PCDHGB4: variants seen among roughly 807,000 people sequenced by gnomAD.
PCDHGB4 encodes protocadherin gamma-B4.
Under a neutral mutation model 60.5 loss-of-function variants are expected in PCDHGB4, and 38 were observed. That is an observed-to-expected ratio of 0.63 (90% CI 0.48 to 0.82). The LOEUF (loss-of-function observed/expected upper bound fraction) is 0.82, where lower values mean the gene tolerates loss of function less well. Among genes scored for constraint, PCDHGB4 ranks in the 40% least tolerant of loss-of-function variants. PCDHGB4 has a pLI of 0.00. For missense variants in PCDHGB4, 1,109 were observed against 1,209.6 expected, an observed-to-expected ratio of 0.92 and a Z score of 1.23; for synonymous variants, 456 against 509.7, an observed-to-expected ratio of 0.89 and a Z score of 1.42.
At chr5:141,433,034 C>G (rs1357694242) in intron 1 of PCDHGB4, 2 of 1,614,184 alleles carry the variant, frequency 1.2e-6, no homozygotes, top group Non-Finnish European at 1.7e-6. Flanking sequence ...CGAGGTTTCC[C>G]TCACCACGGA....
chr5:141,391,780 T>C (rs1004185174), intron 1 of PCDHGB4: 1 of 152,220 alleles, frequency 6.6e-6, no homozygotes, highest in Non-Finnish European at 1.5e-5. Context: ...TAGTCATTAC[T>C]TTTTGCAGTT....
rs370284141 is a variant in PCDHGB4, at chr5:141,421,654, G to A, written c.2397+31373G>A. On this transcript the variant is annotated intron_variant, in intron 1 of 3. Coordinates refer to ENST00000519479, the MANE Select transcript of PCDHGB4 (RefSeq NM_003736.4). ...CCAGGAGGACGAAGTGGAGATAAAA[G>A]TCAGTGAGCACGCAATTCCTGGGGC... The A allele has an allele frequency of 3.5e-5, 57 of 1,613,746 alleles. No individual in the cohort carries two copies. Among genetic ancestry groups the A allele is most frequent in the Admixed American group, 5.0e-5 (3 of 59,974 alleles).
At chr5:141,463,418 C>A (rs1442067485) in intron 1 of PCDHGB4, among the ~76,000 whole-genome samples, 3 of 138,240 alleles carry the variant, frequency 2.2e-5, no homozygotes, top group Admixed American at 7.4e-5. Context: ...TCCTAGTTTG[C>A]GGATCCTCAT....
rs1426305491 is a variant in PCDHGB4 at position 141,489,758 on chromosome 5, G to A, written c.2398-5049G>A. 1 of 1,614,084 alleles carries A rather than the reference G, an allele frequency of 6.2e-7. No homozygotes were observed. The highest frequency in any genetic ancestry group is 1.7e-5 in the Admixed American group (1 of 60,020). On this transcript the variant is annotated intron_variant, in intron 1 of 3. Coordinates refer to ENST00000519479, the MANE Select transcript of PCDHGB4 (RefSeq NM_003736.4). The surrounding 1 kb of genome is among the most constrained non-coding windows in gnomAD (Gnocchi z 4.5). ...AATACTGTGAGCTTTTACACTCTAAGCCCCAACAGCCACTTCTCTCTGAAT... is the reference window on the plus strand; with the variant it reads ...AATACTGTGAGCTTTTACACTCTAAACCCCAACAGCCACTTCTCTCTGAAT...
chr5:141,426,676 A>T (rs1209949988), intron 1 of PCDHGB4: 4 of 431,700 alleles, frequency 9.3e-6, no homozygotes, highest in Non-Finnish European at 1.9e-5. Context: ...AACCCACCTC[A>T]TTTTCCCCAA....
At chr5:141,502,534 C>T (rs565889110) in intron 2 of PCDHGB4, among the ~76,000 whole-genome samples, 10 of 152,074 alleles carry the variant, frequency 6.6e-5, no homozygotes, top group Non-Finnish European at 1.0e-4. Context: ...CGAGTTTGTT[C>T]GTGTGGTAAA....
intron 1 of PCDHGB4, chr5:141,426,680 T>C (rs1261836011): frequency 2.3e-6 from 1 of 431,334 alleles, no homozygotes; most frequent in East Asian, 7.2e-5. Flanking sequence ...CACCTCATTT[T>C]CCCCAAAATA....
At position 141,431,034 on chromosome 5, in the gene PCDHGB4, G is replaced by C. The variant is rs372312860; in HGVS notation, c.2397+40753G>C. 2.5e-6 allele frequency: 4 copies of C among 1,613,992 alleles called. No homozygotes were observed. The highest frequency in any genetic ancestry group is 2.7e-5 in the African/African-American group (2 of 74,938). On this transcript the variant is annotated intron_variant, in intron 1 of 3. Coordinates refer to ENST00000519479, the MANE Select transcript of PCDHGB4 (RefSeq NM_003736.4). The surrounding 1 kb of genome is among the most constrained non-coding windows in gnomAD (Gnocchi z 4.8). ...TTGGTCACGGCGGGCAGGATAGACC[G>C]GGAGGAGCTCTGTATGGGGGCCATC...
At position 141,390,019 on chromosome 5, in the gene PCDHGB4, G is replaced by T. The variant is rs1047341984; in HGVS notation, c.2135G>T (p.Arg712Leu). 1.9e-6 allele frequency: 3 copies of T among 1,614,002 alleles called. No individual in the cohort carries two copies. Among genetic ancestry groups the T allele is most frequent in the Non-Finnish European group, 2.5e-6 (3 of 1,179,896 alleles). ...LVAMILAIAL[R>L]LRRSSSPASW... is the part of the protein sequence containing the mutation. ...GCCATGATTCTGGCCATTGCCTTGC[G>T]CCTGCGACGCTCCTCCAGCCCCGCC... The change falls in exon 1 of 4, where the codon CGC becomes CTC. Residue 712 changes from arginine (R) to leucine (L), a missense_variant. Arg to Leu is a moderately radical substitution (Grantham distance 102). Transcript: ENST00000519479.
At chr5:141,404,323 C>G (rs777252767) in intron 1 of PCDHGB4, 24 of 1,613,756 alleles carry the variant, frequency 1.5e-5, no homozygotes, top group Non-Finnish European at 2.0e-5. Flanking sequence ...AAGCCTCCTA[C>G]TCAGTCTACC....
intron 1 of PCDHGB4, among the ~76,000 whole-genome samples, chr5:141,473,775 T>A (rs1219791398): frequency 6.6e-6 from 1 of 152,190 alleles, no homozygotes; most frequent in African/African-American, 2.4e-5. Flanking sequence ...ATTTGGTATT[T>A]TAATTCAAGA....
In PCDHGB4 at chr5:141,431,339, TTGG is replaced by T. The variant is rs750589924; in HGVS notation, c.2397+41061_2397+41063del. ...AGCCGACGGTAGTAAGTACCCCGAA[TTGG>T]TGCTGAAACGCGCCCTGGACCGCGA... is the stretch of plus-strand genomic sequence containing the variant. On this transcript the variant is annotated intron_variant, in intron 1 of 3. Coordinates refer to ENST00000519479, the MANE Select transcript of PCDHGB4 (RefSeq NM_003736.4). The surrounding 1 kb of genome is among the most constrained non-coding windows in gnomAD (Gnocchi z 4.8). 4 of 1,614,060 alleles carry T rather than the reference TTGG, an allele frequency of 2.5e-6. No individual in the cohort carries two copies. The Admixed American group carries it at 6.7e-5, about 27-fold the overall frequency.
intron 1 of PCDHGB4, among the ~76,000 whole-genome samples, chr5:141,449,840 T>C (rs1367482819): frequency 6.6e-6 from 1 of 151,692 alleles, no homozygotes; most frequent in Non-Finnish European, 1.5e-5. Context: ...TTTTATATAA[T>C]TAAATTTTAA....
At chr5:141,418,718 A>G (rs1334115906) in intron 1 of PCDHGB4, 4 of 1,613,912 alleles carry the variant, frequency 2.5e-6, no homozygotes, top group Non-Finnish European at 3.4e-6. Flanking sequence ...TGTGGCTGAC[A>G]AAGCTCAGCA....
At chr5:141,433,395 C>CTATA (rs1426636882) in intron 1 of PCDHGB4, among the ~76,000 whole-genome samples, 2 of 150,654 alleles carry the variant, frequency 1.3e-5, no homozygotes, top group African/African-American at 4.9e-5. Context: ...ATCTATCTAT[C>CTATA]TATCTATCTA....
At chr5:141,406,748 A>G (rs180930343) in intron 1 of PCDHGB4, among the ~76,000 whole-genome samples, 80 of 152,312 alleles carry the variant, frequency 5.3e-4, no homozygotes, top group Non-Finnish European at 1.5e-4. Context: ...GTGAAATGAC[A>G]AAACAAGGAA....
intron 1 of PCDHGB4, chr5:141,419,733 AGGTGCGCATGGTGCGTGCTTTG>A (rs763538035): frequency 1.1e-5 from 18 of 1,613,646 alleles, no homozygotes; most frequent in Non-Finnish European, 1.4e-5. Context: ...CGAACAGGCG[AGGTGCGCATGGTGCGTGCTTTG>A]GGTGACAAGG....
intron 1 of PCDHGB4, among the ~76,000 whole-genome samples, chr5:141,472,980 C>CAAAAA (rs60579131): frequency 1.7e-4 from 15 of 86,092 alleles, no homozygotes; most frequent in East Asian, 4.1e-4. Context: ...GAGTGAAACT[C>CAAAAA]AAAAAAAAAA....
chr5:141,504,836 C>A (rs550489904), intron 2 of PCDHGB4, among the ~76,000 whole-genome samples: 2 of 152,200 alleles, frequency 1.3e-5, no homozygotes, highest in East Asian at 3.9e-4. Context: ...TTTTCTCTAG[C>A]TCTGGAACAT....
Sources: gnomAD v4.1 joint callset for allele counts (sites outside exome capture counted in the v4.1 genomes callset) on GRCh38, gnomAD v4.1.1 for gene constraint, Gnocchi (gnomAD v3.1) non-coding constraint, MANE v1.5 for transcripts, NCBI Gene and HGNC (gene_info 2026-07-23, HGNC 2026-07-21) for gene names.